ATP2B2: variants seen among roughly 807,000 people sequenced by gnomAD.
ATP2B2 encodes the protein ATPase plasma membrane Ca2+ transporting 2.
In ATP2B2, 15 loss-of-function variants were observed where a neutral mutation model predicts 120.0. The ratio of observed to expected loss-of-function variants is 0.12; its 90% CI spans 0.08 to 0.19. ATP2B2 has a LOEUF of 0.19. Among genes scored for constraint, ATP2B2 ranks in the 10% least tolerant of loss-of-function variants. The pLI, the probability that ATP2B2 is intolerant of heterozygous loss-of-function variation, is 1.00. For missense variants in ATP2B2, 1,045 were observed against 1,719.8 expected, an observed-to-expected ratio of 0.61 and a Z score of 6.94; for synonymous variants, 694 against 700.3, an observed-to-expected ratio of 0.99 and a Z score of 0.14.
intron 1 of ATP2B2, among the ~76,000 whole-genome samples, chr3:10,480,280 C>T (rs62238417): frequency 0.23 from 35,003 of 152,124 alleles, 5,459 homozygotes; most frequent in Non-Finnish European, 0.35. Flanking sequence ...CTAACAACAC[C>T]GACCGACAGC....
At chr3:10,337,465 G>T (rs779711003) in intron 22 of ATP2B2, among the ~76,000 whole-genome samples, 29 of 152,184 alleles carry the variant, frequency 1.9e-4, no homozygotes, top group Non-Finnish European at 3.5e-4. Flanking sequence ...ACCTGCTCCA[G>T]GCATAAGGGG....
chr3:10,491,951 A>C (rs2065948840), intron 1 of ATP2B2, among the ~76,000 whole-genome samples: 1 of 152,228 alleles, frequency 6.6e-6, no homozygotes, highest in East Asian at 1.9e-4. Flanking sequence ...CGGGGAAAAA[A>C]GTGCATCCCA....
chr3:10,530,641 G>C (rs887506863), intron 3 of ATP2B2, among the ~76,000 whole-genome samples: 1 of 152,194 alleles, frequency 6.6e-6, no homozygotes, highest in South Asian at 2.1e-4. Flanking sequence ...GCAGGGAAAA[G>C]TTCAAACTCC....
intron 8 of ATP2B2, 31 bp from the exon 9 acceptor site, chr3:10,379,315 G>C: frequency 6.2e-7 from 1 of 1,611,460 alleles, no homozygotes; most frequent in South Asian, 1.1e-5. Context: ...ACAGACAACA[G>C]AGAACAGACA....
chr3:10,336,176 G>A (rs1402100907), intron 22 of ATP2B2: 1 of 1,550,680 alleles, frequency 6.4e-7, no homozygotes, highest in South Asian at 1.2e-5. Context: ...AAGAGCATTG[G>A]ACAACGACAC....
At chr3:10,636,768 G>A (rs540341451) in intron 1 of ATP2B2, among the ~76,000 whole-genome samples, 13 of 152,242 alleles carry the variant, frequency 8.5e-5, no homozygotes, top group Admixed American at 2.0e-4. Flanking sequence ...GGTGGAGCCC[G>A]GTGGACTCTG....
intron 2 of ATP2B2, among the ~76,000 whole-genome samples, chr3:10,537,766 A>C (rs991461361): frequency 1.3e-5 from 2 of 152,206 alleles, no homozygotes; most frequent in Admixed American, 6.5e-5. Context: ...CTCAGGGGAA[A>C]GCATTCAGTA....
upstream of ATP2B2, among the ~76,000 whole-genome samples, chr3:10,508,236 G>A (rs1335388528): frequency 6.6e-6 from 1 of 152,210 alleles, no homozygotes; most frequent in African/African-American, 2.4e-5. Context: ...AGCAAAGTTT[G>A]AAGGTTTTTC....
chr3:10,364,604 G>A (rs1039933833), intron 12 of ATP2B2, among the ~76,000 whole-genome samples: 4 of 151,904 alleles, frequency 2.6e-5, no homozygotes, highest in East Asian at 1.9e-4. Context: ...CCAGTTACTC[G>A]AGAAGCTGAG....
At chr3:10,412,504 C>A (rs907634281) in intron 2 of ATP2B2, among the ~76,000 whole-genome samples, 1 of 152,182 alleles carries the variant, frequency 6.6e-6, no homozygotes, top group Non-Finnish European at 1.5e-5. Context: ...CACCCCCAGG[C>A]CTTTGCTCCT....
chr3:10,353,411 A>T (rs979555961), intron 14 of ATP2B2, among the ~76,000 whole-genome samples: 2 of 152,202 alleles, frequency 1.3e-5, no homozygotes, highest in African/African-American at 4.8e-5. Flanking sequence ...GGCTACACAG[A>T]TGAACACAGA....
chr3:10,410,797 G>A lies in ATP2B2; in HGVS notation c.218C>T (p.Pro73Leu). 1.2e-6 allele frequency: 2 copies of A among 1,614,066 alleles called. No individual in the cohort carries two copies. The highest frequency in any genetic ancestry group is 1.7e-6 in the Non-Finnish European group (2 of 1,180,054). Reference sequence around the variant, plus strand: ...AATTTGCTTTCTCTTTTCCAGGTCTGGAGCGGTGCCCGGCAAACCTGTGGA... The same window carrying A: ...AATTTGCTTTCTCTTTTCCAGGTCTAGAGCGGTGCCCGGCAAACCTGTGGA... ...SPVEGLPGTA[P>L]DLEKRKQIFG... Residue 73 changes from proline (P) to leucine (L), a missense_variant, in exon 3 of 23, where the codon CCA (proline) becomes CTA (leucine). Pro to Leu is a moderately conservative substitution (Grantham distance 98). This residue lies in a region of ATP2B2 where 139 missense variants were observed against 134.2 expected (regional missense o/e 1.04). Coordinates refer to ENST00000360273, the MANE Select transcript of ATP2B2 (RefSeq NM_001001331.4).
chr3:10,662,243 T>G (rs370819688), intron 1 of ATP2B2, among the ~76,000 whole-genome samples: 9 of 151,688 alleles, frequency 5.9e-5, no homozygotes, highest in East Asian at 1.9e-4. Flanking sequence ...TGACAAATGG[T>G]ATCTAATTAA....
At chr3:10,640,313 G>T (rs562904801) in intron 1 of ATP2B2, among the ~76,000 whole-genome samples, 95 of 152,272 alleles carry the variant, frequency 6.2e-4, no homozygotes, top group Non-Finnish European at 2.2e-4. Context: ...GGTTTCCAGG[G>T]GACAGACAGA....
intron 2 of ATP2B2, among the ~76,000 whole-genome samples, chr3:10,562,056 G>A (rs780117955): frequency 6.6e-6 from 1 of 152,182 alleles, no homozygotes; most frequent in Non-Finnish European, 1.5e-5. Flanking sequence ...TGAGGAACTC[G>A]ACAAGACAAC....
chr3:10,488,865 C>T (rs2065830426), intron 1 of ATP2B2, among the ~76,000 whole-genome samples: 1 of 152,068 alleles, frequency 6.6e-6, no homozygotes, highest in Non-Finnish European at 1.5e-5. Flanking sequence ...CACAGTCAGA[C>T]AAAAATCAAG....
At chr3:10,551,185 A>T (rs1412224299) in intron 2 of ATP2B2, among the ~76,000 whole-genome samples, 2 of 152,202 alleles carry the variant, frequency 1.3e-5, no homozygotes. Context: ...TTCTCCCAAC[A>T]CATAGCCTCC....
chr3:10,337,779 G>A (rs1210061957), intron 22 of ATP2B2, among the ~76,000 whole-genome samples: 5 of 152,084 alleles, frequency 3.3e-5, no homozygotes, highest in South Asian at 2.1e-4. Flanking sequence ...GACCCTGGGC[G>A]ACCTGGCCTG....
At chr3:10,544,626 TGGATCA>T (rs2067506109) in intron 2 of ATP2B2, among the ~76,000 whole-genome samples, 1 of 152,186 alleles carries the variant, frequency 6.6e-6, no homozygotes, top group South Asian at 2.1e-4. Context: ...AAGAGGTGTG[TGGATCA>T]GGCTCCCTTC....
Sources: allele counts gnomAD v4.1 joint callset (sites outside exome capture counted in the v4.1 genomes callset), GRCh38; gene constraint gnomAD v4.1.1; regional missense constraint gnomAD v4.1.1; transcripts MANE v1.5; gene names NCBI Gene and HGNC (gene_info 2026-07-23, HGNC 2026-07-21).